The following AGAP1 variants were observed in gnomAD, a reference collection of about 807,000 sequenced individuals.
The protein encoded by AGAP1 is arf-GAP with GTPase, ANK repeat and PH domain-containing protein 1.
Under a neutral mutation model 105.3 loss-of-function variants are expected in AGAP1, and 29 were observed. The observed-to-expected ratio is 0.28, with a 90% CI of 0.21 to 0.38. The LOEUF (loss-of-function observed/expected upper bound fraction) is 0.38. Ranked by LOEUF, AGAP1 falls within the 10% of genes least tolerant of loss-of-function variation. The pLI is 1.00. For synonymous variants in AGAP1, 509 were observed against 485.9 expected (o/e 1.05, Z -0.63); for missense variants, 998 against 1,165.1 (o/e 0.86, Z 2.09).
chr2:235,652,234 C>T (rs1021453161), intron 1 of AGAP1, among the ~76,000 whole-genome samples: 27 of 152,262 alleles, frequency 1.8e-4, no homozygotes, highest in African/African-American at 6.3e-4. Context: ...GAGCAGCCCA[C>T]CTGTCACTCT....
intron 1 of AGAP1, among the ~76,000 whole-genome samples, chr2:235,704,472 C>T (rs1424256549): frequency 6.6e-6 from 1 of 152,104 alleles, no homozygotes; most frequent in Non-Finnish European, 1.5e-5. Flanking sequence ...ATGGTGAAAC[C>T]CCGTCTCTAC....
In AGAP1 at chr2:235,573,105, CT is replaced by C. The variant is rs537991080; in HGVS notation, c.163+78270del. ...TCTTTCTTCTTTCTTCTTCTTCTTC[CT>C]TTTTTTTTTTTTTAAAGATAGAATC... On this transcript the variant is annotated intron_variant, in intron 1 of 17. Coordinates refer to ENST00000304032, the MANE Select transcript of AGAP1 (RefSeq NM_001037131.3). Among the ~76,000 whole-genome samples, 452 of 94,936 alleles carry C rather than the reference CT, an allele frequency of 4.8e-3. 5 individuals carry two copies. Among genetic ancestry groups the C allele is most frequent in the Non-Finnish European group, 7.3e-3 (325 of 44,472 alleles). 62.3% of individuals were successfully genotyped at this position (94,936 alleles called of 152,430 possible). A position where few individuals can be genotyped will look rare whatever the true frequency, so the allele number is the denominator to read the frequency against.
At chr2:236,077,770 G>A (rs2058679589) in intron 16 of AGAP1, among the ~76,000 whole-genome samples, 1 of 152,176 alleles carries the variant, frequency 6.6e-6, no homozygotes, top group African/African-American at 2.4e-5. Context: ...ACAGCTTATG[G>A]GGCTTATGAT....
At chr2:235,597,898 T>G (rs1366955601) in intron 1 of AGAP1, among the ~76,000 whole-genome samples, 2 of 105,356 alleles carry the variant, frequency 1.9e-5, no homozygotes, top group Admixed American at 1.8e-4. Context: ...GTTTCCTTTG[T>G]GTGGAGCGTG....
intron 13 of AGAP1, among the ~76,000 whole-genome samples, chr2:235,996,969 G>A (rs2125485651): frequency 6.6e-6 from 1 of 152,276 alleles, no homozygotes. Context: ...ATCACTGAAT[G>A]TATGTATCAT....
chr2:235,812,759 G>C (rs1431512758), intron 9 of AGAP1, among the ~76,000 whole-genome samples: 1 of 152,256 alleles, frequency 6.6e-6, no homozygotes, highest in Non-Finnish European at 1.5e-5. Flanking sequence ...TGCGTAGGCA[G>C]AGGTTTACAG....
chr2:235,594,906 T>TTTTTTTTTTTA (rs60333666), intron 1 of AGAP1, among the ~76,000 whole-genome samples: 1 of 138,712 alleles, frequency 7.2e-6, no homozygotes. Context: ...TTTTTTTTTT[T>TTTTTTTTTTTA]ATGATGTAAA....
intron 16 of AGAP1, among the ~76,000 whole-genome samples, chr2:236,094,375 T>A (rs1328728917): frequency 6.6e-6 from 1 of 151,540 alleles, no homozygotes; most frequent in African/African-American, 2.4e-5. Flanking sequence ...TTTTTTTTTT[T>A]AGACAGGGTC....
Position 236,051,618 on chromosome 2 carries a change from G to C in AGAP1, c.2114+2337G>C, listed in dbSNP as rs1187806493. On this transcript the variant is annotated intron_variant, in intron 16 of 17. Coordinates refer to ENST00000304032, the MANE Select transcript of AGAP1 (RefSeq NM_001037131.3). The surrounding 1 kb of genome is among the most constrained non-coding windows in gnomAD (Gnocchi z 5.9). ...GTGGACGGGAGCCTCCCATGAATGA[G>C]GAGGAGCAGGAATGGGGGAGGCCCA... Among the ~76,000 whole-genome samples the C allele has an allele frequency of 6.6e-6, 1 of 152,176 alleles. No individual in the cohort carries two copies. The highest frequency in any genetic ancestry group is 1.9e-4 in the East Asian group (1 of 5,182).
At position 235,965,189 on chromosome 2, in the gene AGAP1, C is replaced by G. The variant is rs1032591768; in HGVS notation, c.1484-3273C>G. Among the ~76,000 whole-genome samples the G allele has an allele frequency of 6.6e-6, 1 of 152,152 alleles. No homozygotes were observed. Among genetic ancestry groups the G allele is most frequent in the East Asian group, 1.9e-4 (1 of 5,196 alleles). On this transcript the variant is annotated intron_variant, in intron 12 of 17. Coordinates refer to ENST00000304032, the MANE Select transcript of AGAP1 (RefSeq NM_001037131.3). The surrounding 1 kb of genome is among the most constrained non-coding windows in gnomAD (Gnocchi z 5.8). ...CCAAGGTGATAGCAGAGAAAGCTGCCCGGAATGCAAAGGTCAGAGTGAGTG... is the reference window on the plus strand; with the variant it reads ...CCAAGGTGATAGCAGAGAAAGCTGCGCGGAATGCAAAGGTCAGAGTGAGTG...
rs945400722 is a variant in AGAP1, at chr2:235,789,325, C to T, written c.674-8434C>T. Among the ~76,000 whole-genome samples, 2 of 152,198 alleles carry T rather than the reference C, an allele frequency of 1.3e-5. No individual in the cohort carries two copies. The highest frequency in any genetic ancestry group is 4.8e-5 in the African/African-American group (2 of 41,446). On this transcript the variant is annotated intron_variant, in intron 6 of 17. Transcript: ENST00000304032. The surrounding 1 kb of genome is among the most constrained non-coding windows in gnomAD (Gnocchi z 4.2). ...ATTAACGTCAGCAGCCTTGACTTTGCTCTGTCCTGAAGGTAACTGTTTATT... is the reference window on the plus strand; with the variant it reads ...ATTAACGTCAGCAGCCTTGACTTTGTTCTGTCCTGAAGGTAACTGTTTATT...
rs1432868676 is a variant in AGAP1, at chr2:235,900,824, G to A, written c.1156-7914G>A. 6.6e-6 allele frequency among the ~76,000 whole-genome samples: 1 copy of A among 152,174 alleles called. No individual in the cohort carries two copies. The highest frequency in any genetic ancestry group is 1.5e-5 in the Non-Finnish European group (1 of 68,030). ...TGCCTTCCTCCTGCCATGGCTGCTG[G>A]TCACTGTCATGCACTTACAAGCATG... is the stretch of plus-strand genomic sequence containing the variant. On this transcript the variant is annotated intron_variant, in intron 10 of 17. Transcript: ENST00000304032. The surrounding 1 kb of genome is among the most constrained non-coding windows in gnomAD (Gnocchi z 5.5).
Position 235,552,270 on chromosome 2 carries a change from G to T in AGAP1, c.163+57421G>T, listed in dbSNP as rs1032633194. On this transcript the variant is annotated intron_variant, in intron 1 of 17. Transcript: ENST00000304032. The surrounding 1 kb of genome is among the most constrained non-coding windows in gnomAD (Gnocchi z 5.9). ...TGAGAAATACAGTTTCTGCAGGAAA[G>T]AGAGAGACATTGGTGCCAAGAAATC... is the stretch of plus-strand genomic sequence containing the variant. Among the ~76,000 whole-genome samples, 1 of 152,238 alleles carries T rather than the reference G, an allele frequency of 6.6e-6. No individual in the cohort carries two copies. Among genetic ancestry groups the T allele is most frequent in the Admixed American group, 6.5e-5 (1 of 15,286 alleles).
chr2:236,004,939 A>G (rs2056267267), intron 13 of AGAP1, among the ~76,000 whole-genome samples: 1 of 152,242 alleles, frequency 6.6e-6, no homozygotes, highest in African/African-American at 2.4e-5. Context: ...TTGGCATTTT[A>G]TTCTATGGAA....
rs1403481328 is a variant in AGAP1, at chr2:235,549,452, G to C, written c.163+54603G>C. Among the ~76,000 whole-genome samples the C allele has an allele frequency of 6.6e-6, 1 of 152,178 alleles. No homozygotes were observed. Among genetic ancestry groups the C allele is most frequent in the East Asian group, 1.9e-4 (1 of 5,176 alleles). ...TTGAGGTTGGGAGGCAATGCAGGGT[G>C]TTCATCAGCCAGCATGAGACCCTCG... On this transcript the variant is annotated intron_variant, in intron 1 of 17. Coordinates refer to ENST00000304032, the MANE Select transcript of AGAP1 (RefSeq NM_001037131.3). The surrounding 1 kb of genome is among the most constrained non-coding windows in gnomAD (Gnocchi z 4.2).
At position 236,068,308 on chromosome 2, in the gene AGAP1, G is replaced by A. The variant is rs537188598; in HGVS notation, c.2114+19027G>A. 6.8e-4 allele frequency among the ~76,000 whole-genome samples: 103 copies of A among 152,030 alleles called. 1 individual carries two copies. The highest frequency in any genetic ancestry group is 3.4e-3 in the Middle Eastern group (1 of 294). ...AATCAAATAGCTAGCGCAGATCACT[G>A]TGAAACATCTGATGGTAAAAAACAA... On this transcript the variant is annotated intron_variant, in intron 16 of 17. Coordinates refer to ENST00000304032, the MANE Select transcript of AGAP1 (RefSeq NM_001037131.3).
intron 1 of AGAP1, among the ~76,000 whole-genome samples, chr2:235,695,285 G>T (rs545162314): frequency 6.6e-6 from 1 of 152,260 alleles, no homozygotes; most frequent in South Asian, 2.1e-4. Flanking sequence ...CTTTCCATGA[G>T]TGCACCTTTA....
In AGAP1 at chr2:235,882,400, T is replaced by C. The variant is rs2050070843; in HGVS notation, c.1051-945T>C. The C allele has an allele frequency of 6.3e-7, 1 of 1,578,714 alleles. No homozygotes were observed. The highest frequency in any genetic ancestry group is 8.7e-7 in the Non-Finnish European group (1 of 1,153,104). On this transcript the variant is annotated intron_variant, in intron 9 of 17. Coordinates refer to ENST00000304032, the MANE Select transcript of AGAP1 (RefSeq NM_001037131.3). The surrounding 1 kb of genome is among the most constrained non-coding windows in gnomAD (Gnocchi z 4.6). ...CTCCGCTTCTGCCCAGTGGTCTCTT[T>C]GGTCGGCAGGGTGTTCTTCTCCTGC...
chr2:235,649,183 A>G (rs1478327080), intron 1 of AGAP1, among the ~76,000 whole-genome samples: 2 of 152,130 alleles, frequency 1.3e-5, no homozygotes. Flanking sequence ...ACTGAGTGGG[A>G]CGCTCCTCGG....
Sources: gnomAD v4.1 joint callset for allele counts (sites outside exome capture counted in the v4.1 genomes callset) on GRCh38, gnomAD v4.1.1 for gene constraint, Gnocchi (gnomAD v3.1) non-coding constraint, MANE v1.5 for transcripts, NCBI Gene and HGNC (gene_info 2026-07-23, HGNC 2026-07-21) for gene names.